The following SIDT1 variants were observed in gnomAD, a reference collection of about 807,000 sequenced individuals.
SIDT1 encodes the protein SID1 transmembrane family member 1, also known as SID1 transmembrane family, member 1.
SIDT1 carries 101 observed loss-of-function variants against 107.5 expected under a neutral mutation model. The ratio of observed to expected loss-of-function variants is 0.94; its 90% CI spans 0.80 to 1.11. SIDT1 has a LOEUF of 1.11. SIDT1 is among the 50% of genes least tolerant of loss of function. The probability of loss-of-function intolerance (pLI) is 0.00; values close to 1 mark genes in which losing one functional copy is unlikely to be tolerated. For missense variants in SIDT1, 1,076 were observed against 1,058.2 expected (o/e 1.02, Z -0.23); for synonymous variants, 395 against 398.2 (o/e 0.99, Z 0.10).
At chr3:113,570,680 A>G (rs192678534) in intron 3 of SIDT1, among the ~76,000 whole-genome samples, 2 of 152,362 alleles carry the variant, frequency 1.3e-5, no homozygotes, top group East Asian at 1.9e-4. Context: ...CTGGAACCAG[A>G]GGATGATGGT....
intron 10 of SIDT1, among the ~76,000 whole-genome samples, chr3:113,595,574 G>A (rs1944485235): frequency 6.8e-6 from 1 of 147,484 alleles, no homozygotes; most frequent in South Asian, 2.1e-4. Flanking sequence ...GCAAGACCGT[G>A]TCTCAAAAAA....
intron 14 of SIDT1, among the ~76,000 whole-genome samples, chr3:113,606,169 A>G (rs1044698545): frequency 1.3e-5 from 2 of 152,202 alleles, no homozygotes; most frequent in Non-Finnish European, 1.5e-5. Context: ...GGCCAAGGTC[A>G]CTTATATGGC....
chr3:113,588,495 G>A (rs1292246338), intron 9 of SIDT1, among the ~76,000 whole-genome samples: 1 of 152,182 alleles, frequency 6.6e-6, no homozygotes, highest in African/African-American at 2.4e-5. Flanking sequence ...CGTGCTATGA[G>A]ATCAGGATAA....
intron 1 of SIDT1, among the ~76,000 whole-genome samples, chr3:113,565,326 G>C (rs569189144): frequency 6.6e-6 from 1 of 152,138 alleles, no homozygotes; most frequent in African/African-American, 2.4e-5. Context: ...GAGGTCAGCA[G>C]TTCGAGACCA....
intron 20 of SIDT1, among the ~76,000 whole-genome samples, chr3:113,618,442 A>C (rs1457916783): frequency 6.6e-6 from 1 of 152,208 alleles, no homozygotes; most frequent in African/African-American, 2.4e-5. Flanking sequence ...TTAAATATCA[A>C]AGGGAGCTAT....
In SIDT1 at chr3:113,561,388, T is replaced by C. The variant is rs145178325; in HGVS notation, c.223-5032T>C. ...TTTATTATGACTAGTAAGAACATTA[T>C]TAAATAATACAAAGGTAAGTGGATT... On this transcript the variant is annotated intron_variant, in intron 1 of 24. Transcript: ENST00000264852. Among the ~76,000 whole-genome samples the C allele has an allele frequency of 5.5e-3, 835 of 152,324 alleles. 7 individuals are homozygous for C. The highest frequency in any genetic ancestry group is 0.019 in the African/African-American group (771 of 41,570).
downstream of SIDT1, among the ~76,000 whole-genome samples, chr3:113,632,462 C>T (rs1947100487): frequency 6.6e-6 from 1 of 152,192 alleles, no homozygotes; most frequent in Non-Finnish European, 1.5e-5. Context: ...AGGCAGGCCT[C>T]TTTGAGGAAA....
At chr3:113,547,633 A>T (rs951249634) in intron 1 of SIDT1, among the ~76,000 whole-genome samples, 1 of 152,156 alleles carries the variant, frequency 6.6e-6, no homozygotes, top group Non-Finnish European at 1.5e-5. Context: ...GGTATCTTAT[A>T]TTGAAAAGTG....
intron 9 of SIDT1, among the ~76,000 whole-genome samples, chr3:113,588,244 T>C (rs567924248): frequency 2.0e-5 from 3 of 152,296 alleles, no homozygotes; most frequent in African/African-American, 4.8e-5. Context: ...ATGCACAGCA[T>C]AGATTTCTCC....
chr3:113,608,981 C>T (rs976159626), intron 17 of SIDT1, among the ~76,000 whole-genome samples: 4 of 151,108 alleles, frequency 2.6e-5, no homozygotes, highest in African/African-American at 2.4e-5. Context: ...CAATTAAGAG[C>T]AAGGAAGTTG....
chr3:113,605,790 G>T (rs1306740253), intron 14 of SIDT1, among the ~76,000 whole-genome samples: 2 of 152,070 alleles, frequency 1.3e-5, no homozygotes, highest in Non-Finnish European at 2.9e-5. Flanking sequence ...GATTGCCTGA[G>T]CTCAGGAGTT....
intron 1 of SIDT1, among the ~76,000 whole-genome samples, chr3:113,543,364 G>T (rs900430624): frequency 1.3e-5 from 2 of 152,054 alleles, no homozygotes; most frequent in Non-Finnish European, 2.9e-5. Flanking sequence ...TTTAATTGCC[G>T]TTCTCAGATT....
At chr3:113,602,443 T>A (rs1945025776) in intron 11 of SIDT1, 1 of 152,266 alleles carries the variant, frequency 6.6e-6, no homozygotes, top group African/African-American at 2.4e-5. Context: ...GCTCAGCTCA[T>A]GTGCCCATCA....
intron 3 of SIDT1, 85 bp downstream of exon 3, chr3:113,567,795 C>T: frequency 7.4e-7 from 1 of 1,347,472 alleles, no homozygotes; most frequent in South Asian, 1.3e-5. Context: ...CAGACTGGTA[C>T]TCTGGAAGGA....
chr3:113,555,621 T>C (rs543932982), intron 1 of SIDT1, among the ~76,000 whole-genome samples: 239 of 152,344 alleles, frequency 1.6e-3, no homozygotes, highest in Middle Eastern at 6.8e-3. Flanking sequence ...TTATATTTAT[T>C]CTAGTTTATT....
chr3:113,588,008 A>G (rs1016941460), intron 9 of SIDT1, among the ~76,000 whole-genome samples: 2 of 152,236 alleles, frequency 1.3e-5, no homozygotes, highest in Non-Finnish European at 2.9e-5. Context: ...TATGCCTGTC[A>G]TAGGAAGACT....
intron 3 of SIDT1, among the ~76,000 whole-genome samples, chr3:113,572,071 T>C (rs1404142132): frequency 6.6e-6 from 1 of 151,794 alleles, no homozygotes. Context: ...AGGAGGTGAA[T>C]TGAAATATTA....
rs1052734742 is a variant in SIDT1, at chr3:113,532,819, G to T, written c.-203G>T. 2 of 404,352 alleles carry T rather than the reference G, an allele frequency of 4.9e-6. No individual in the cohort carries two copies. Among genetic ancestry groups the T allele is most frequent in the Non-Finnish European group, 8.6e-6 (2 of 231,336 alleles). The allele number at this position is 404,352 out of a possible 1,614,324, so 25.0% of individuals were successfully genotyped here. Reference sequence around the variant, plus strand: ...CCCTACTCTCCACCCGTGACCTCCAGTGGAGACCCCAGGCGGCAGCATCAG... The same window carrying T: ...CCCTACTCTCCACCCGTGACCTCCATTGGAGACCCCAGGCGGCAGCATCAG... On this transcript the variant is annotated 5_prime_UTR_variant, in exon 1 of 25. Transcript: ENST00000264852.
chr3:113,624,400 T>C lies in SIDT1; in HGVS notation c.2307+667T>C, dbSNP rs183440504. ...CTGGCTTCTTTCACTTAATGTGTCC[T>C]AGGTTCAAGCATGCTGTAACATACA... On this transcript the variant is annotated intron_variant, in intron 23 of 24. Transcript: ENST00000264852. 5.3e-5 allele frequency among the ~76,000 whole-genome samples: 8 copies of C among 152,348 alleles called. No homozygotes were observed. The East Asian group carries it at 1.5e-3, about 29-fold the overall frequency.
Sources: gnomAD v4.1 joint callset for allele counts (sites outside exome capture counted in the v4.1 genomes callset) on GRCh38, gnomAD v4.1.1 for gene constraint, MANE v1.5 for transcripts, NCBI Gene and HGNC (gene_info 2026-07-23, HGNC 2026-07-21) for gene names.